Variants in SMG7 observed in about 807,000 individuals in gnomAD.
SMG7 encodes the protein SMG7 nonsense mediated mRNA decay factor.
A neutral mutation model predicts 148.2 loss-of-function variants in SMG7; 34 were observed. The observed-to-expected ratio is 0.23, with a 90% confidence interval of 0.17 to 0.31. The LOEUF (loss-of-function observed/expected upper bound fraction) is 0.31, where lower values mean the gene tolerates loss of function less well. Ranked by LOEUF, SMG7 falls within the 10% of genes least tolerant of loss-of-function variation. The pLI is 1.00. For missense variants in SMG7, 1,114 were observed against 1,408.4 expected (o/e 0.79, Z 3.35); for synonymous variants, 492 against 515.1 (o/e 0.96, Z 0.61).
chr1:183,486,745 C>T (rs996800153), intron 1 of SMG7, among the ~76,000 whole-genome samples: 5 of 151,846 alleles, frequency 3.3e-5, no homozygotes, highest in African/African-American at 1.2e-4. Context: ...CACTGTGTCA[C>T]CCAGGCTGGA....
chr1:183,537,336 G>T (rs966800064), intron 11 of SMG7, 121 bp downstream of exon 11: 1 of 721,488 alleles, frequency 1.4e-6, no homozygotes, highest in Admixed American at 2.3e-5. Flanking sequence ...TATCTCAGAA[G>T]TGACTGTGAA....
chr1:183,528,058 G>A (rs768098707), intron 6 of SMG7, 31 bp downstream of exon 6: 26 of 1,535,364 alleles, frequency 1.7e-5, no homozygotes, highest in African/African-American at 4.1e-5. Context: ...GAGATTGACC[G>A]TGACACTTTG....
At chr1:183,539,957 T>C (rs1350132330) in intron 12 of SMG7, among the ~76,000 whole-genome samples, 2 of 152,190 alleles carry the variant, frequency 1.3e-5, no homozygotes, top group Non-Finnish European at 2.9e-5. Flanking sequence ...TATTTTTATT[T>C]ACCCATTCCC....
intron 14 of SMG7, 79 bp from the exon 15 acceptor site, chr1:183,544,274 T>C: frequency 8.8e-7 from 1 of 1,138,114 alleles, no homozygotes; most frequent in Non-Finnish European, 1.3e-6. Flanking sequence ...TTTTAAATAC[T>C]TTCTTAGGAG....
intron 10 of SMG7, among the ~76,000 whole-genome samples, chr1:183,536,291 G>A (rs981300977): frequency 6.6e-6 from 1 of 151,980 alleles, no homozygotes; most frequent in African/African-American, 2.4e-5. Context: ...TAAGCAACAT[G>A]GCTACTTCCA....
chr1:183,488,143 A>T (rs981261378), intron 1 of SMG7, among the ~76,000 whole-genome samples: 1 of 152,190 alleles, frequency 6.6e-6, no homozygotes, highest in African/African-American at 2.4e-5. Flanking sequence ...TGTGTTTTTC[A>T]TCTGTTCACC....
Position 183,515,897 on chromosome 1 carries a change from G to A in SMG7, c.85G>A (p.Val29Ile), listed in dbSNP as rs1055226. 2.5e-6 allele frequency: 4 copies of A among 1,612,280 alleles called. No homozygotes were observed. The highest frequency in any genetic ancestry group is 3.3e-5 in the Admixed American group (2 of 59,912). The change falls in exon 3 of 23, where the codon GTC (valine) becomes ATC (isoleucine). Residue 29 changes from valine (V) to isoleucine (I), a missense_variant. Val to Ile is a conservative substitution (Grantham distance 29). Around this residue, in one of 4 missense-constraint regions of SMG7, gnomAD observed 216 missense variants for 329.1 expected, o/e 0.66. Transcript: ENST00000688051. ...MTDSKLGPAE[V>I]WTSRQALQDL... Reference sequence around the variant, plus strand: ...AGATTCTAAGCTGGGTCCAGCTGAAGTCTGGACATCCAGGCAGGCTCTGCA... The same window carrying A: ...AGATTCTAAGCTGGGTCCAGCTGAAATCTGGACATCCAGGCAGGCTCTGCA...
In SMG7 at chr1:183,483,414, T is replaced by C. The variant is rs761822633; in HGVS notation, c.29+10765T>C. Among the ~76,000 whole-genome samples the C allele has an allele frequency of 4.1e-4, 63 of 152,208 alleles. 1 individual carries two copies. The highest frequency in any genetic ancestry group is 1.6e-4 in the Non-Finnish European group (11 of 67,980). ...TGTACAGTAATGAGATAATTAGTAG[T>C]GAGGTAATCAAAGGAAAATGCAACT... On this transcript the variant is annotated intron_variant, in intron 1 of 22. Transcript: ENST00000688051.
intron 4 of SMG7, among the ~76,000 whole-genome samples, chr1:183,518,027 A>G (rs1663949044): frequency 6.6e-6 from 1 of 152,098 alleles, no homozygotes; most frequent in African/African-American, 2.4e-5. Context: ...GGCTTCCTGC[A>G]GCCTCAGCCT....
rs200930565 is a variant in SMG7, at chr1:183,529,400, G to A, written c.710G>A (p.Arg237Gln). ...GGAATTTTTTTCTTTCATTTCAGCC[G>A]AGATGAGGTGAAAACCAAGTGGGGT... ...QKALSKALES[R>Q]DEVKTKWGVS... The change falls in exon 8 of 23, where the codon CGA becomes CAA. Residue 237 changes from arginine to glutamine, a missense_variant and splice_region_variant. Arg to Gln is a conservative substitution (Grantham distance 43, BLOSUM62 1). This residue lies in a region of SMG7 where 216 missense variants were observed against 329.1 expected (regional missense o/e 0.66). Transcript: ENST00000688051. 6.8e-5 allele frequency: 110 copies of A among 1,609,334 alleles called. No homozygotes were observed. The highest frequency in any genetic ancestry group is 2.0e-4 in the East Asian group (9 of 44,810).
In SMG7 at chr1:183,551,987, G is replaced by T. The variant is rs1408254828; in HGVS notation, c.*56G>T. 3 of 1,591,080 alleles carry T rather than the reference G, an allele frequency of 1.9e-6. No individual in the cohort carries two copies. Among genetic ancestry groups the T allele is most frequent in the East Asian group, 4.6e-5 (2 of 43,690 alleles). On this transcript the variant is annotated 3_prime_UTR_variant, in exon 23 of 23. Coordinates refer to ENST00000688051, the MANE Select transcript of SMG7 (RefSeq NM_001375584.1). ...CCATAAACCATGGCATGTTGGGTTT[G>T]CAGGACTGGCCCACACAGTCCCCTG... is the stretch of plus-strand genomic sequence containing the variant.
At chr1:183,551,781 T>A (rs996628178) in intron 22 of SMG7, 37 bp from the exon 23 acceptor site, 1 of 1,518,372 alleles carries the variant, frequency 6.6e-7, no homozygotes, top group Non-Finnish European at 8.9e-7. Context: ...CAACTTGGCA[T>A]TTGACCTCTG....
At chr1:183,476,717 C>T (rs535871896) in intron 1 of SMG7, among the ~76,000 whole-genome samples, 14 of 152,038 alleles carry the variant, frequency 9.2e-5, no homozygotes, top group African/African-American at 2.7e-4. Context: ...GACAAGACTT[C>T]TAAGAGAATC....
chr1:183,478,134 T>C (rs973866503), intron 1 of SMG7, among the ~76,000 whole-genome samples: 1 of 152,120 alleles, frequency 6.6e-6, no homozygotes, highest in Non-Finnish European at 1.5e-5. Flanking sequence ...AATATATAAA[T>C]AGGATGGTCT....
intron 1 of SMG7, among the ~76,000 whole-genome samples, chr1:183,501,915 A>G (rs962023664): frequency 1.1e-4 from 16 of 152,152 alleles, no homozygotes; most frequent in Admixed American, 8.5e-4. Context: ...TAAGGAGTCC[A>G]TCTGCTTCTG....
intron 4 of SMG7, among the ~76,000 whole-genome samples, chr1:183,522,359 G>A (rs929871796): frequency 6.6e-6 from 1 of 151,998 alleles, no homozygotes; most frequent in African/African-American, 2.4e-5. Context: ...ATGAGAGAGA[G>A]AAGGTGCCTT....
In SMG7 at chr1:183,545,210, A is replaced by C. The variant is rs1669707522; in HGVS notation, c.2268A>C (p.Thr756=). ...SLPAQPTAQS[T]SQLQVQALTQ... ...CAGCTCAGCCAACAGCACAGTCTAC[A>C]AGCCAGCTGCAGGTTCAAGCTCTAA... Residue 756 remains threonine, a synonymous_variant, in exon 16 of 23, where the codon ACA becomes ACC. Coordinates refer to ENST00000688051, the MANE Select transcript of SMG7 (RefSeq NM_001375584.1). 2 of 1,613,994 alleles carry C rather than the reference A, an allele frequency of 1.2e-6. No homozygotes were observed. Among genetic ancestry groups the C allele is most frequent in the African/African-American group, 2.7e-5 (2 of 74,904 alleles).
chr1:183,503,866 T>C (rs1014104544), intron 1 of SMG7, among the ~76,000 whole-genome samples: 1 of 152,222 alleles, frequency 6.6e-6, no homozygotes, highest in African/African-American at 2.4e-5. Context: ...AGCTCCAAGA[T>C]AGCATTACTA....
chr1:183,477,004 A>G (rs1652366615), intron 1 of SMG7, among the ~76,000 whole-genome samples: 2 of 152,164 alleles, frequency 1.3e-5, no homozygotes, highest in Admixed American at 1.3e-4. Context: ...CTTTAAAATA[A>G]TGGCATTTTG....
Sources: allele counts gnomAD v4.1 joint callset (sites outside exome capture counted in the v4.1 genomes callset), GRCh38; gene constraint gnomAD v4.1.1; regional missense constraint gnomAD v4.1.1; transcripts MANE v1.5; gene names NCBI Gene and HGNC (gene_info 2026-07-23, HGNC 2026-07-21).